The following CDC73 variants were observed in gnomAD, a reference collection of about 807,000 sequenced individuals.
CDC73 encodes the protein parafibromin.
Under a neutral mutation model 83.7 loss-of-function variants are expected in CDC73, and 21 were observed. The ratio of observed to expected loss-of-function variants is 0.25; its 90% CI spans 0.18 to 0.36. CDC73 has a LOEUF of 0.36. CDC73 is among the 10% of genes least tolerant of loss of function. The pLI is 1.00. For synonymous variants in CDC73, 224 were observed against 212.9 expected (o/e 1.05, Z -0.45); for missense variants, 342 against 653.3 (o/e 0.52, Z 5.19).
intron 10 of CDC73, among the ~76,000 whole-genome samples, chr1:193,183,854 A>AT (rs1391735731): frequency 1.3e-5 from 2 of 151,758 alleles, no homozygotes; most frequent in Admixed American, 6.6e-5. Flanking sequence ...AATTATACAG[A>AT]TTTTTTTTAA....
At chr1:193,248,919 CGTT>C (rs1305940584) in intron 15 of CDC73, among the ~76,000 whole-genome samples, 1 of 152,004 alleles carries the variant, frequency 6.6e-6, no homozygotes, top group Non-Finnish European at 1.5e-5. Flanking sequence ...ATGCCATAAA[CGTT>C]GTTGAAATGA....
chr1:193,217,076 A>G (rs1677380690), intron 13 of CDC73, among the ~76,000 whole-genome samples: 1 of 152,178 alleles, frequency 6.6e-6, no homozygotes, highest in Non-Finnish European at 1.5e-5. Context: ...GTAGTACTGA[A>G]ACAGGAAATG....
Position 193,209,765 on chromosome 1 carries a change from T to C in CDC73, c.1031-2300T>C, listed in dbSNP as rs148023748. ...TGGGTCTTCTCAGCCTTGAGTTTAG[T>C]AAATGTTTGCCTAAATTCCTGAGGG... is the stretch of plus-strand genomic sequence containing the variant. On this transcript the variant is annotated intron_variant, in intron 11 of 16. Coordinates refer to ENST00000367435, the MANE Select transcript of CDC73 (RefSeq NM_024529.5). Among the ~76,000 whole-genome samples, 26 of 152,344 alleles carry C rather than the reference T, an allele frequency of 1.7e-4. No individual in the cohort carries two copies. In the East Asian group the frequency reaches 4.4e-3, roughly 26 times the overall value.
intron 10 of CDC73, among the ~76,000 whole-genome samples, chr1:193,194,240 A>C (rs1437794344): frequency 6.6e-6 from 1 of 152,166 alleles, no homozygotes; most frequent in Non-Finnish European, 1.5e-5. Flanking sequence ...ACATTAGAAA[A>C]ATGAAATTTC....
At chr1:193,151,925 C>G (rs1413438979) in intron 9 of CDC73, among the ~76,000 whole-genome samples, 1 of 151,828 alleles carries the variant, frequency 6.6e-6, no homozygotes. Flanking sequence ...AGAGTGAGAC[C>G]CTGTCTCAAA....
At chr1:193,122,502 G>C in intron 1 of CDC73, 171 bp downstream of exon 1, 1 of 778,774 alleles carries the variant, frequency 1.3e-6, no homozygotes, top group East Asian at 2.6e-5. Context: ...GGTAAGGAAA[G>C]AAGGGGCGGA....
intron 10 of CDC73, among the ~76,000 whole-genome samples, chr1:193,194,257 G>A (rs1676965226): frequency 6.6e-6 from 1 of 152,138 alleles, no homozygotes; most frequent in African/African-American, 2.4e-5. Flanking sequence ...TTTCAGAGCA[G>A]AATTGGACCT....
rs1024407158 is a variant in CDC73 at position 193,251,440 on chromosome 1, A to AT, written c.*734dup. 1.8e-4 allele frequency: 42 copies of AT among 231,900 alleles called. No homozygotes were observed. Among genetic ancestry groups the AT allele is most frequent in the African/African-American group, 8.8e-4 (40 of 45,260 alleles). 14.4% of individuals were successfully genotyped at this position (231,900 alleles called of 1,614,324 possible). A position where few individuals can be genotyped will look rare whatever the true frequency, so the allele number is the denominator to read the frequency against. On this transcript the variant is annotated 3_prime_UTR_variant, in exon 17 of 17. Coordinates refer to ENST00000367435, the MANE Select transcript of CDC73 (RefSeq NM_024529.5). ...GATTAAAACCACAATAGGCTGTAGT[A>AT]TTTTTTATTTTGGGAGCCAGAGTAT...
chr1:193,220,157 CTTTTTTTTTTTT>C (rs776793164), intron 13 of CDC73, among the ~76,000 whole-genome samples: 1,226 of 108,798 alleles, frequency 0.011, 22 homozygotes, highest in African/African-American at 0.041. Flanking sequence ...ACAATGATAA[CTTTTTTTTTTTT>C]TTTTTTTTTT....
In CDC73 at chr1:193,129,235, A is replaced by G. The variant is rs2103116978; in HGVS notation, c.238-939A>G. 1.3e-5 allele frequency among the ~76,000 whole-genome samples: 2 copies of G among 151,678 alleles called. 1 individual carries two copies. The highest frequency in any genetic ancestry group is 4.2e-4 in the South Asian group (2 of 4,796). On this transcript the variant is annotated intron_variant, in intron 2 of 16. Transcript: ENST00000367435. The stretch of plus-strand genomic sequence containing the variant: ...CTGGTCTTGAACTCCCGACCTCATG[A>G]TCCACCCGTCTCGACCTCCCAAAGT...
intron 10 of CDC73, among the ~76,000 whole-genome samples, chr1:193,155,225 G>A (rs990612291): frequency 1.3e-5 from 2 of 152,158 alleles, no homozygotes; most frequent in African/African-American, 4.8e-5. Flanking sequence ...TAGAAGTAAA[G>A]GCCCCAGGGA....
At chr1:193,187,939 T>C (rs998259546) in intron 10 of CDC73, among the ~76,000 whole-genome samples, 9 of 152,206 alleles carry the variant, frequency 5.9e-5, no homozygotes, top group Admixed American at 5.9e-4. Context: ...TTGTAGTCTA[T>C]ATCCACCCAT....
rs1325226880 is a variant in CDC73, at chr1:193,253,994, T to G, written c.*3282T>G. On this transcript the variant is annotated 3_prime_UTR_variant, in exon 17 of 17. Coordinates refer to ENST00000367435, the MANE Select transcript of CDC73 (RefSeq NM_024529.5). ...AATTTTTTGAGACTAGCAGTATATTTTATAATATTACAAATACAACAATTA... is the reference window on the plus strand; with the variant it reads ...AATTTTTTGAGACTAGCAGTATATTGTATAATATTACAAATACAACAATTA... The G allele has an allele frequency of 4.5e-6, 1 of 222,618 alleles. No individual in the cohort carries two copies. The highest frequency in any genetic ancestry group is 2.2e-5 in the African/African-American group (1 of 44,798). 13.8% of individuals were successfully genotyped at this position (222,618 alleles called of 1,614,324 possible).
At chr1:193,183,470 T>A (rs945370335) in intron 10 of CDC73, among the ~76,000 whole-genome samples, 4 of 150,064 alleles carry the variant, frequency 2.7e-5, no homozygotes. Context: ...TCAGCATTAG[T>A]GTAATGAAAA....
At chr1:193,127,307 G>GTGTC (rs1349225766) in intron 2 of CDC73, among the ~76,000 whole-genome samples, 11 of 151,096 alleles carry the variant, frequency 7.3e-5, no homozygotes, top group Non-Finnish European at 1.5e-4. Flanking sequence ...GTGTGTGTGT[G>GTGTC]TGTGTGTGTG....
chr1:193,196,123 A>G (rs555765739), intron 10 of CDC73, among the ~76,000 whole-genome samples: 1 of 152,032 alleles, frequency 6.6e-6, no homozygotes, highest in Non-Finnish European at 1.5e-5. Context: ...TATAGTTTTC[A>G]CTCTTAAGTT....
intron 13 of CDC73, among the ~76,000 whole-genome samples, chr1:193,229,609 C>T (rs1282610088): frequency 6.6e-6 from 1 of 152,184 alleles, no homozygotes; most frequent in Non-Finnish European, 1.5e-5. Context: ...CTGTTGTTTA[C>T]AAGCCACCCC....
intron 2 of CDC73, among the ~76,000 whole-genome samples, chr1:193,129,815 G>A (rs1675663239): frequency 6.6e-6 from 1 of 152,200 alleles, no homozygotes; most frequent in East Asian, 1.9e-4. Context: ...GCCCAGCCAA[G>A]AAAATTATTA....
chr1:193,158,155 T>C (rs1572164875), intron 10 of CDC73, among the ~76,000 whole-genome samples: 1 of 151,952 alleles, frequency 6.6e-6, no homozygotes, highest in South Asian at 2.1e-4. Context: ...TAAAGACTAG[T>C]TTATATAAAT....
Sources: allele counts gnomAD v4.1 joint callset (sites outside exome capture counted in the v4.1 genomes callset), GRCh38; gene constraint gnomAD v4.1.1; transcripts MANE v1.5; gene names NCBI Gene and HGNC (gene_info 2026-07-23, HGNC 2026-07-21).